The following UMAD1 variants were observed in gnomAD, a reference collection of about 807,000 sequenced individuals.
The protein encoded by UMAD1 is UBAP1-MVB12-associated (UMA) domain containing 1, also known as UBAP1-MVB12-associated (UMA)-domain containing protein 1.
In UMAD1, 8 loss-of-function variants were observed where a neutral mutation model predicts 6.1. That is an observed-to-expected ratio of 1.30 (90% CI 0.76 to 2.35). The LOEUF is 2.35. Among genes scored for constraint, UMAD1 ranks in the 30% most tolerant of loss-of-function variants. UMAD1 has a pLI of 0.00. For synonymous variants in UMAD1, 56 were observed against 31.4 expected (o/e 1.78, Z -2.61); for missense variants, 130 against 78.4 (o/e 1.66, Z -2.49).
At chr7:7,726,504 A>G (rs1027180345) in intron 2 of UMAD1, among the ~76,000 whole-genome samples, 1 of 152,226 alleles carries the variant, frequency 6.6e-6, no homozygotes, top group Non-Finnish European at 1.5e-5. Flanking sequence ...AGTTCTCCAG[A>G]AGGCCGTGTA....
chr7:7,785,614 A>G (rs754874381), intron 2 of UMAD1, among the ~76,000 whole-genome samples: 10 of 152,228 alleles, frequency 6.6e-5, no homozygotes, highest in African/African-American at 9.6e-5. Context: ...AAGTAGAGGA[A>G]GGGAGATTGA....
At chr7:7,735,644 A>G in intron 2 of UMAD1, 1 of 152,406 alleles carries the variant, frequency 6.6e-6, no homozygotes, top group Non-Finnish European at 1.5e-5. Flanking sequence ...TCCTGACCTC[A>G]GGTGATCCAC....
At chr7:7,801,154 G>A (rs187701996) in intron 2 of UMAD1, among the ~76,000 whole-genome samples, 204 of 152,228 alleles carry the variant, frequency 1.3e-3, no homozygotes, top group African/African-American at 4.6e-3. Flanking sequence ...TTAAGTGAAG[G>A]CTAGTTTATG....
intron 2 of UMAD1, among the ~76,000 whole-genome samples, chr7:7,761,237 T>G (rs1563185181): frequency 6.6e-6 from 1 of 151,936 alleles, no homozygotes; most frequent in Non-Finnish European, 1.5e-5. Context: ...TGGTGGTATG[T>G]GCCTGTGGTC....
chr7:7,773,548 G>A (rs1782142335), intron 2 of UMAD1, among the ~76,000 whole-genome samples: 1 of 152,018 alleles, frequency 6.6e-6, no homozygotes, highest in Non-Finnish European at 1.5e-5. Context: ...GTCAGAGGGA[G>A]CTTAATTTCT....
chr7:7,778,275 T>TGTGTGTGAGAGA (rs1271237125), intron 2 of UMAD1, among the ~76,000 whole-genome samples: 3 of 110,656 alleles, frequency 2.7e-5, no homozygotes, highest in South Asian at 6.4e-4. Context: ...TGTGTGTGTG[T>TGTGTGTGAGAGA]GAGAGAGAGA....
intron 2 of UMAD1, among the ~76,000 whole-genome samples, chr7:7,700,999 A>G (rs1780447877): frequency 2.0e-5 from 3 of 152,208 alleles, no homozygotes; most frequent in African/African-American, 7.2e-5. Context: ...ACAGTGAGCT[A>G]TGATCACGGT....
intron 3 of UMAD1, among the ~76,000 whole-genome samples, chr7:7,864,596 G>A (rs1291492307): frequency 4.0e-4 from 52 of 129,998 alleles, no homozygotes; most frequent in Non-Finnish European, 1.3e-4. Flanking sequence ...AGGAGAACAT[G>A]AAAACTACAC....
At position 7,873,984 on chromosome 7, in the gene UMAD1, T is replaced by C. The variant is rs113358182; in HGVS notation, c.157-3297T>C. ...CAGATTCAAATTATATCCCCCTGCCTACTAACAGCTCCACCTGATGTCCGC... is the reference window on the plus strand; with the variant it reads ...CAGATTCAAATTATATCCCCCTGCCCACTAACAGCTCCACCTGATGTCCGC... On this transcript the variant is annotated intron_variant, in intron 3 of 3. Transcript: ENST00000682710. Among the ~76,000 whole-genome samples the C allele has an allele frequency of 4.0e-4, 61 of 152,306 alleles. 1 individual carries two copies. The highest frequency in any genetic ancestry group is 6.8e-3 in the Middle Eastern group (2 of 294).
At chr7:7,654,902 CA>C (rs71010994) in intron 1 of UMAD1, among the ~76,000 whole-genome samples, 28,048 of 139,256 alleles carry the variant, frequency 0.2, 3,191 homozygotes, top group Middle Eastern at 0.34. Flanking sequence ...GACTCTGTCT[CA>C]AAAAAAAAAA....
At chr7:7,682,306 C>A (rs548199290) in intron 2 of UMAD1, among the ~76,000 whole-genome samples, 1 of 152,190 alleles carries the variant, frequency 6.6e-6, no homozygotes, top group African/African-American at 2.4e-5. Context: ...TTTAGTCTCA[C>A]CTTCTGTTTT....
At chr7:7,693,338 C>CTATCTAT (rs1563128548) in intron 2 of UMAD1, among the ~76,000 whole-genome samples, 2 of 44,696 alleles carry the variant, frequency 4.5e-5, no homozygotes, top group African/African-American at 1.4e-4. Context: ...TATCTATCTA[C>CTATCTAT]ATTATTTCGG....
intron 3 of UMAD1, among the ~76,000 whole-genome samples, chr7:7,816,582 A>C (rs1783131339): frequency 1.3e-5 from 2 of 152,292 alleles, no homozygotes; most frequent in East Asian, 3.9e-4. Flanking sequence ...GGACAAAGAG[A>C]ATGTGGCAAA....
chr7:7,683,986 G>C (rs1217551759), intron 2 of UMAD1, among the ~76,000 whole-genome samples: 1 of 152,120 alleles, frequency 6.6e-6, no homozygotes, highest in Non-Finnish European at 1.5e-5. Flanking sequence ...TTGGTTCCAA[G>C]ACCCCCGCTC....
rs59221325 is a variant in UMAD1, at chr7:7,796,244, C to CTTTTTTTTTTTTTTTTTT, written c.83-5419_83-5402dup. On this transcript the variant is annotated intron_variant, in intron 2 of 3. Transcript: ENST00000682710. ...ACTTTGACCCATTTCTATTTTCTTT[C>CTTTTTTTTTTTTTTTTTT]TTTTTTTTTTTTTTTTTTTTTTTTG... Among the ~76,000 whole-genome samples the CTTTTTTTTTTTTTTTTTT allele has an allele frequency of 1.6e-3, 104 of 63,948 alleles. 14 individuals carry two copies. Among genetic ancestry groups the CTTTTTTTTTTTTTTTTTT allele is most frequent in the African/African-American group, 6.4e-3 (66 of 10,242 alleles). 42.0% of individuals were successfully genotyped at this position (63,948 alleles called of 152,430 possible).
intron 2 of UMAD1, among the ~76,000 whole-genome samples, chr7:7,682,762 G>A (rs28915977): frequency 3.0e-3 from 454 of 152,234 alleles, no homozygotes; most frequent in African/African-American, 0.01. Context: ...AGAAAAACTC[G>A]ATTTACATTT....
intron 2 of UMAD1, among the ~76,000 whole-genome samples, chr7:7,778,340 A>G (rs1218354246): frequency 6.6e-6 from 1 of 151,910 alleles, no homozygotes; most frequent in African/African-American, 2.4e-5. Flanking sequence ...CAACTGATGA[A>G]TATAGGTAAA....
chr7:7,790,024 G>A (rs1782539809), intron 2 of UMAD1, among the ~76,000 whole-genome samples: 1 of 152,132 alleles, frequency 6.6e-6, no homozygotes, highest in South Asian at 2.1e-4. Context: ...ATTAGAATGT[G>A]GGCGGAATTG....
At chr7:7,641,772 T>C (rs1366271757) in intron 1 of UMAD1, 1 of 152,186 alleles carries the variant, frequency 6.6e-6, no homozygotes, top group Non-Finnish European at 1.5e-5. Context: ...AGTCTGTGAA[T>C]TGGCCCAAAG....
Sources: allele counts gnomAD v4.1 joint callset (sites outside exome capture counted in the v4.1 genomes callset), GRCh38; gene constraint gnomAD v4.1.1; transcripts MANE v1.5; gene names NCBI Gene and HGNC (gene_info 2026-07-23, HGNC 2026-07-21).